Variants in NFIL3 observed in about 807,000 individuals in gnomAD.
The protein encoded by NFIL3 is nuclear factor, interleukin 3 regulated, also known as nuclear factor interleukin-3-regulated protein.
Under a neutral mutation model 10.0 loss-of-function variants are expected in NFIL3, and 5 were observed. The ratio of observed to expected loss-of-function variants is 0.50; its 90% CI spans 0.26 to 1.06. The LOEUF is 1.06. NFIL3 is among the 50% of genes least tolerant of loss of function. NFIL3 has a pLI of 0.13. For synonymous variants in NFIL3, 202 were observed against 206.5 expected (o/e 0.98, Z 0.19); for missense variants, 436 against 547.6 (o/e 0.80, Z 2.03).
chr9:91,452,787 CAAAAAAAAAA>C, the NFIL3 span, among the ~76,000 whole-genome samples: 1 of 59,874 alleles, frequency 1.7e-5, no homozygotes. Context: ...AACTCTGTCT[CAAAAAAAAAA>C]AAAAAAAAAA....
intron 1 of NFIL3, among the ~76,000 whole-genome samples, chr9:91,412,853 A>C (rs1833579787): frequency 7.6e-6 from 1 of 131,368 alleles, no homozygotes; most frequent in East Asian, 2.3e-4. Context: ...ACTTCGTCTC[A>C]AAAAAAAAAA....
intron 1 of NFIL3, among the ~76,000 whole-genome samples, chr9:91,412,716 C>G (rs565235441): frequency 1.3e-5 from 2 of 151,872 alleles, no homozygotes; most frequent in East Asian, 3.9e-4. Flanking sequence ...TGGTGACAGG[C>G]GCCTGTAATC....
chr9:91,447,043 C>T, the NFIL3 span, among the ~76,000 whole-genome samples: 5 of 152,130 alleles, frequency 3.3e-5, no homozygotes, highest in East Asian at 1.9e-4. Flanking sequence ...CTTAAACTCC[C>T]GACCTCAGGT....
rs566518701 is a variant in NFIL3 at position 91,419,236 on chromosome 9, G to T, written c.-173+4404C>A. On this transcript the variant is annotated intron_variant, in intron 1 of 1. Coordinates refer to ENST00000297689, the MANE Select transcript of NFIL3 (RefSeq NM_005384.3). The stretch of plus-strand genomic sequence containing the variant: ...ACTTTAACAGCATCAATGGCATCTG[G>T]ATTACAATGGAAATCATGAAGTATA... 5.3e-5 allele frequency among the ~76,000 whole-genome samples: 8 copies of T among 152,248 alleles called. 1 individual carries two copies. Among genetic ancestry groups the T allele is most frequent in the African/African-American group, 1.9e-4 (8 of 41,544 alleles).
At chr9:91,431,124 C>G in the NFIL3 span, among the ~76,000 whole-genome samples, 3 of 152,268 alleles carry the variant, frequency 2.0e-5, no homozygotes, top group African/African-American at 7.2e-5. Context: ...GTAGACCAGG[C>G]CCAGGCCTAG....
the NFIL3 span, among the ~76,000 whole-genome samples, chr9:91,436,283 G>T: frequency 1.3e-5 from 2 of 152,124 alleles, no homozygotes; most frequent in African/African-American, 4.8e-5. Context: ...TTCTGATTAA[G>T]ATTTGAAGGT....
In NFIL3 at chr9:91,409,348, A is replaced by G. The variant is rs1833491786; in HGVS notation, c.1387T>C (p.Ter463GlnextTer5). 1.3e-6 allele frequency: 2 copies of G among 1,555,418 alleles called. No individual in the cohort carries two copies. Among genetic ancestry groups the G allele is most frequent in the Non-Finnish European group, 1.7e-6 (2 of 1,153,678 alleles). Residue 463 changes from the stop codon to glutamine (Q), a stop_lost, in exon 2 of 2, where the codon TAA becomes CAA. Coordinates refer to ENST00000297689, the MANE Select transcript of NFIL3 (RefSeq NM_005384.3). ...CCCAGCTCTTACTCAGTAGTAATTT[A>G]CCCAGAGTCTGAAGCAGAGATTGGT... The part of the protein sequence containing the change: ...TQPISASDSG[*>Q]
At chr9:91,454,939 A>AAT in the NFIL3 span, among the ~76,000 whole-genome samples, 1 of 152,214 alleles carries the variant, frequency 6.6e-6, no homozygotes, top group African/African-American at 2.4e-5. Context: ...ATATTTATTA[A>AAT]ATGTCTACTA....
At chr9:91,462,226 T>A in the NFIL3 span, among the ~76,000 whole-genome samples, 1 of 152,164 alleles carries the variant, frequency 6.6e-6, no homozygotes, top group Non-Finnish European at 1.5e-5. Context: ...TTAATGCACC[T>A]GCTATGACTG....
intron 1 of NFIL3, among the ~76,000 whole-genome samples, chr9:91,418,808 C>T (rs1395984561): frequency 6.6e-6 from 1 of 150,906 alleles, no homozygotes; most frequent in Admixed American, 6.6e-5. Flanking sequence ...ATCATAAAAA[C>T]AAGTTTATGC....
chr9:91,445,668 G>A, the NFIL3 span, among the ~76,000 whole-genome samples: 1 of 152,152 alleles, frequency 6.6e-6, no homozygotes, highest in African/African-American at 2.4e-5. Flanking sequence ...GCGCAAGACT[G>A]CTCTGTAGGG....
the NFIL3 span, among the ~76,000 whole-genome samples, chr9:91,454,616 G>A: frequency 6.6e-6 from 1 of 152,090 alleles, no homozygotes; most frequent in Non-Finnish European, 1.5e-5. Context: ...TGGATTGCCT[G>A]AGGTCAGGAG....
chr9:91,414,809 C>A (rs757007311), intron 1 of NFIL3, among the ~76,000 whole-genome samples: 1 of 152,180 alleles, frequency 6.6e-6, no homozygotes, highest in South Asian at 2.1e-4. Context: ...TGTGTTTCCA[C>A]GTGTTTGTCT....
chr9:91,461,082 G>C, the NFIL3 span, among the ~76,000 whole-genome samples: 11,274 of 152,160 alleles, frequency 0.074, 595 homozygotes, highest in East Asian at 0.23. Flanking sequence ...ATCTTGGGTG[G>C]AAACTTGTTC....
chr9:91,453,868 G>T, the NFIL3 span, among the ~76,000 whole-genome samples: 1 of 152,002 alleles, frequency 6.6e-6, no homozygotes, highest in South Asian at 2.1e-4. Flanking sequence ...GTGTCATGTG[G>T]AATTAAACAT....
chr9:91,435,127 T>C, the NFIL3 span, among the ~76,000 whole-genome samples: 14 of 152,182 alleles, frequency 9.2e-5, no homozygotes, highest in African/African-American at 1.2e-4. Context: ...CTCTCTCCAC[T>C]GCCCCCACTA....
In NFIL3 at chr9:91,409,387, G is replaced by A. The variant is rs368078755; in HGVS notation, c.1348C>T (p.Leu450Phe). Residue 450 changes from leucine (L) to phenylalanine (F), a missense_variant, in exon 2 of 2, where the codon CTT becomes TTT. Physicochemically the swap from Leu to Phe is conservative, Grantham distance 22 (BLOSUM62 0). This residue lies in a region of NFIL3 where 338 missense variants were observed against 399.9 expected (regional missense o/e 0.85). Transcript: ENST00000297689. Reference sequence around the variant, plus strand: ...GCAGAGATTGGTTGTGTGGCTATAAGTCTCTTGAGTGAGACAACCTCTGCA... The same window carrying A: ...GCAGAGATTGGTTGTGTGGCTATAAATCTCTTGAGTGAGACAACCTCTGCA... ...LSAEVVSLKR[L>F]IATQPISASD... The A allele has an allele frequency of 4.4e-6, 7 of 1,604,636 alleles. No homozygotes were observed. Among genetic ancestry groups the A allele is most frequent in the Non-Finnish European group, 6.0e-6 (7 of 1,175,832 alleles).
chr9:91,476,470 G>C, the NFIL3 span, among the ~76,000 whole-genome samples: 1 of 152,104 alleles, frequency 6.6e-6, no homozygotes, highest in Non-Finnish European at 1.5e-5. Context: ...CTATTCTGGA[G>C]GCTGAGACAG....
At chr9:91,478,566 T>G in the NFIL3 span, among the ~76,000 whole-genome samples, 2 of 152,090 alleles carry the variant, frequency 1.3e-5, no homozygotes, top group African/African-American at 2.4e-5. Flanking sequence ...GGTTCTTAGC[T>G]TCCTTGCATT....
Sources: gnomAD v4.1 joint callset for allele counts (sites outside exome capture counted in the v4.1 genomes callset) on GRCh38, gnomAD v4.1.1 for gene constraint, gnomAD v4.1.1 regional missense constraint, MANE v1.5 for transcripts, NCBI Gene and HGNC (gene_info 2026-07-23, HGNC 2026-07-21) for gene names.